CTIF: variants seen among roughly 807,000 people sequenced by gnomAD.
CTIF encodes the protein cap binding complex dependent translation initiation factor, also known as CBP80/20-dependent translation initiation factor.
CTIF carries 21 observed loss-of-function variants against 66.0 expected under a neutral mutation model. The ratio of observed to expected loss-of-function variants is 0.32; its 90% confidence interval spans 0.23 to 0.46. The LOEUF is 0.46. Ranked by LOEUF, CTIF falls within the 20% of genes least tolerant of loss-of-function variation. The probability of loss-of-function intolerance (pLI) is 1.00; values close to 1 mark genes in which losing one functional copy is unlikely to be tolerated. For synonymous variants in CTIF, 345 were observed against 326.4 expected, an observed-to-expected ratio of 1.06 and a Z score of -0.62; for missense variants, 739 against 812.7, an observed-to-expected ratio of 0.91 and a Z score of 1.10.
At chr18:48,614,848 T>C (rs1291658206) in intron 1 of CTIF, among the ~76,000 whole-genome samples, 1 of 151,084 alleles carries the variant, frequency 6.6e-6, no homozygotes, top group Non-Finnish European at 1.5e-5. Flanking sequence ...TTGATTTGTT[T>C]GTTTTGTTTG....
intron 3 of CTIF, among the ~76,000 whole-genome samples, chr18:48,658,182 T>G (rs2091276212): frequency 6.6e-6 from 1 of 151,706 alleles, no homozygotes; most frequent in Non-Finnish European, 1.5e-5. Flanking sequence ...ATGTGTGAGG[T>G]GTATATGTGT....
At chr18:48,618,848 A>T (rs1003631848) in intron 1 of CTIF, among the ~76,000 whole-genome samples, 2 of 152,218 alleles carry the variant, frequency 1.3e-5, no homozygotes, top group African/African-American at 4.8e-5. Flanking sequence ...GTGACCAGGC[A>T]GTGTCTGTGG....
intron 10 of CTIF, among the ~76,000 whole-genome samples, chr18:48,820,025 C>G (rs1053645930): frequency 6.6e-6 from 1 of 152,216 alleles, no homozygotes; most frequent in African/African-American, 2.4e-5. Flanking sequence ...TAGTTGTCAT[C>G]TAGGCTGATG....
At chr18:48,603,067 G>GTGGA (rs373350836) in intron 1 of CTIF, among the ~76,000 whole-genome samples, 53 of 148,256 alleles carry the variant, frequency 3.6e-4, no homozygotes, top group African/African-American at 1.2e-3. Context: ...ATAAGAATGG[G>GTGGA]TGGATGGATG....
chr18:48,821,135 T>G (rs940281747), intron 10 of CTIF, among the ~76,000 whole-genome samples: 46 of 152,322 alleles, frequency 3.0e-4, no homozygotes, highest in African/African-American at 1.1e-3. Flanking sequence ...TAGGCCCAGT[T>G]TGAAGTCACC....
intron 1 of CTIF, among the ~76,000 whole-genome samples, chr18:48,596,298 A>G (rs539421998): frequency 2.6e-5 from 4 of 152,254 alleles, no homozygotes; most frequent in East Asian, 3.9e-4. Context: ...AGCTCTTTCT[A>G]TCTTTCTGCT....
chr18:48,712,397 G>A (rs1170573546), intron 7 of CTIF, among the ~76,000 whole-genome samples: 2 of 152,162 alleles, frequency 1.3e-5, no homozygotes, highest in African/African-American at 4.8e-5. Flanking sequence ...TTCTTATAAG[G>A]GGAGATCTTC....
chr18:48,602,255 G>A (rs992438015), intron 1 of CTIF, among the ~76,000 whole-genome samples: 1 of 152,214 alleles, frequency 6.6e-6, no homozygotes, highest in East Asian at 1.9e-4. Context: ...GAGCAGTGGG[G>A]CACCAATTTA....
At chr18:48,670,303 C>A (rs2091508267) in intron 5 of CTIF, among the ~76,000 whole-genome samples, 2 of 152,192 alleles carry the variant, frequency 1.3e-5, no homozygotes, top group South Asian at 2.1e-4. Flanking sequence ...CCTATGTGAC[C>A]TTGAGAAAGT....
chr18:48,762,531 G>T (rs901974422), intron 9 of CTIF, among the ~76,000 whole-genome samples: 1 of 152,202 alleles, frequency 6.6e-6, no homozygotes, highest in East Asian at 1.9e-4. Flanking sequence ...ACTCTTGGCT[G>T]GGGGAGAGCC....
intron 7 of CTIF, among the ~76,000 whole-genome samples, chr18:48,728,270 A>G (rs893479996): frequency 3.9e-5 from 6 of 152,128 alleles, no homozygotes; most frequent in Non-Finnish European, 7.4e-5. Flanking sequence ...TGAAGTTTTC[A>G]CTAAGAATCA....
chr18:48,861,587 G>C lies in CTIF; in HGVS notation c.*2028G>C, dbSNP rs879871217. Reference sequence around the variant, plus strand: ...CCCCTGAAGCATGTGGGGTTTGTCCGCTAGGAGGAGGCAAGGCCCCCGAAG... The same window carrying C: ...CCCCTGAAGCATGTGGGGTTTGTCCCCTAGGAGGAGGCAAGGCCCCCGAAG... On this transcript the variant is annotated 3_prime_UTR_variant, in exon 12 of 12. Coordinates refer to ENST00000256413, the MANE Select transcript of CTIF (RefSeq NM_014772.3). The C allele has an allele frequency of 6.6e-6, 1 of 152,246 alleles. No homozygotes were observed. Among genetic ancestry groups the C allele is most frequent in the African/African-American group, 2.4e-5 (1 of 41,330 alleles). 9.4% of individuals were successfully genotyped at this position (152,246 alleles called of 1,614,324 possible).
chr18:48,763,174 G>A (rs1475391569), intron 9 of CTIF, among the ~76,000 whole-genome samples: 3 of 152,290 alleles, frequency 2.0e-5, no homozygotes, highest in East Asian at 1.9e-4. Flanking sequence ...CTATGGTCTC[G>A]GCTTTGGGTT....
chr18:48,667,678 C>G (rs2091459830), intron 5 of CTIF, among the ~76,000 whole-genome samples: 1 of 152,212 alleles, frequency 6.6e-6, no homozygotes, highest in South Asian at 2.1e-4. Flanking sequence ...GCCAGAGTAA[C>G]CAGCCACACC....
chr18:48,831,784 T>C (rs57656389), intron 10 of CTIF, among the ~76,000 whole-genome samples: 7,392 of 152,320 alleles, frequency 0.049, 425 homozygotes, highest in East Asian at 0.32. Context: ...TAACGTGTAA[T>C]CAATATTAAA....
chr18:48,851,946 A>G (rs1382188344), intron 10 of CTIF, among the ~76,000 whole-genome samples: 1 of 152,170 alleles, frequency 6.6e-6, no homozygotes, highest in Non-Finnish European at 1.5e-5. Flanking sequence ...AAGAAGTTCC[A>G]GCCTAGGTGG....
chr18:48,850,732 A>G (rs1158964208), intron 10 of CTIF, among the ~76,000 whole-genome samples: 4 of 152,144 alleles, frequency 2.6e-5, no homozygotes, highest in African/African-American at 9.7e-5. Context: ...GGCAGGCCAG[A>G]CCCTTGTTCT....
At chr18:48,727,316 G>A (rs1196885105) in intron 7 of CTIF, among the ~76,000 whole-genome samples, 1 of 152,156 alleles carries the variant, frequency 6.6e-6, no homozygotes, top group Non-Finnish European at 1.5e-5. Flanking sequence ...TCTGCATTCA[G>A]GGTCTTTCAT....
chr18:48,768,560 G>A (rs1909797352), intron 9 of CTIF, among the ~76,000 whole-genome samples: 1 of 152,198 alleles, frequency 6.6e-6, no homozygotes, highest in Non-Finnish European at 1.5e-5. Flanking sequence ...GGAGCTTCTG[G>A]ATGCCATGCC....
Sources: allele counts gnomAD v4.1 joint callset (sites outside exome capture counted in the v4.1 genomes callset), GRCh38; gene constraint gnomAD v4.1.1; transcripts MANE v1.5; gene names NCBI Gene and HGNC (gene_info 2026-07-23, HGNC 2026-07-21).